Variants in WAS observed in about 807,000 individuals in gnomAD.
WAS encodes the protein WASP actin nucleation promoting factor.
WAS carries 1 observed loss-of-function variant against 38.9 expected under a neutral mutation model. The observed-to-expected ratio is 0.03, with a 90% CI of 0.01 to 0.12. The LOEUF (loss-of-function observed/expected upper bound fraction) is 0.12. WAS is among the 10% of genes least tolerant of loss of function. The pLI, the probability that WAS is intolerant of heterozygous loss-of-function variation, is 1.00. For missense variants in WAS, 311 were observed against 431.2 expected (o/e 0.72, Z 2.47); for synonymous variants, 182 against 173.6 (o/e 1.05, Z -0.38).
At chrX:48,682,652 T>C (rs1243417967), upstream of WAS, among the ~76,000 whole-genome samples, 1 of 111,472 alleles carries the variant, frequency 9.0e-6, no homozygotes, top group Admixed American at 9.5e-5. Context: ...TCTAATACTT[T>C]GGGAGGCCGA....
intron 10 of WAS, 60 bp from the exon 11 acceptor site, chrX:48,689,259 CG>C: frequency 9.7e-7 from 1 of 1,030,777 alleles, no homozygotes; most frequent in Non-Finnish European, 1.3e-6. Context: ...GATGGAGGGG[CG>C]GGGAGAAATG....
At position 48,686,807 on chromosome X, in the gene WAS, G is replaced by A. The variant is rs1557006801; in HGVS notation, c.586G>A (p.Gly196Arg). 3.3e-6 allele frequency: 4 copies of A among 1,211,622 alleles called. No individual in the cohort carries two copies. Among genetic ancestry groups the A allele is most frequent in the Non-Finnish European group, 4.5e-6 (4 of 895,531 alleles). The change falls in exon 7 of 12, where the codon GGG (glycine) becomes AGG (arginine). Residue 196 changes from glycine to arginine, a missense_variant. Gly to Arg is a moderately radical substitution (Grantham distance 125). Transcript: ENST00000376701. The part of the protein sequence containing the change: ...GGPPVGPLSL[G>R]LATVDIQNPD... The stretch of plus-strand genomic sequence containing the variant: ...CCCTCCAGTGGGTCCGCTCTCCCTG[G>A]GGCTGGCGACAGTGGACATCCAGAA...
In WAS at chrX:48,685,717, C is replaced by T. The variant is rs782768055; in HGVS notation, c.361-17C>T. The T allele has an allele frequency of 2.6e-5, 31 of 1,171,881 alleles. No individual in the cohort carries two copies. The highest frequency in any genetic ancestry group is 3.3e-5 in the Non-Finnish European group (29 of 875,434). On this transcript the variant is annotated splice_polypyrimidine_tract_variant and intron_variant, in intron 3 of 11. Transcript: ENST00000376701. ...TGCGGGGGACCTGGGAGGCGGCTGA[C>T]CCCAAGGTATGTGCAGGACTGCCAA...
In WAS at chrX:48,685,999, A is replaced by G; in HGVS notation, c.505+12A>G. On this transcript the variant is annotated intron_variant, in intron 5 of 11. Coordinates refer to ENST00000376701, the MANE Select transcript of WAS (RefSeq NM_000377.3). ...ACCAGCCAATGAAGGTGAGTCCTCT[A>G]GTGCAAGTAGGGGTAATAAGGGGCT... 2.5e-6 allele frequency: 3 copies of G among 1,211,491 alleles called. No individual in the cohort carries two copies. The highest frequency in any genetic ancestry group is 3.4e-6 in the Non-Finnish European group (3 of 895,243).
intron 7 of WAS, among the ~76,000 whole-genome samples, chrX:48,687,318 A>G (rs2062423363): frequency 9.0e-6 from 1 of 111,395 alleles, no homozygotes; most frequent in Non-Finnish European, 1.9e-5. Context: ...ATGGATAGAT[A>G]GATGAGGTAG....
At chrX:48,678,941 T>G (rs935391693), upstream of WAS, among the ~76,000 whole-genome samples, 19 of 111,464 alleles carry the variant, frequency 1.7e-4, no homozygotes, top group Admixed American at 1.8e-3. Flanking sequence ...AAAGTGATAC[T>G]AAAATGATTA....
At chrX:48,690,853 T>C (rs1557007675) in intron 11 of WAS, among the ~76,000 whole-genome samples, 1 of 112,127 alleles carries the variant, frequency 8.9e-6, no homozygotes, top group African/African-American at 3.2e-5. Context: ...TTCACCCTAT[T>C]ATGTGATAAA....
At chrX:48,682,309 C>G (rs1557005875), upstream of WAS, among the ~76,000 whole-genome samples, 1 of 111,984 alleles carries the variant, frequency 8.9e-6, no homozygotes, top group African/African-American at 3.2e-5. Flanking sequence ...AATAAATGAA[C>G]AGCTACCACT....
intron 2 of WAS, 86 bp from the exon 3 acceptor site, chrX:48,685,461 C>T (rs1263618750): frequency 1.4e-6 from 1 of 698,317 alleles, no homozygotes. Flanking sequence ...CAAATCCAGA[C>T]ACCCTGCTCC....
chrX:48,679,503 C>T (rs782523927), upstream of WAS, among the ~76,000 whole-genome samples: 2 of 112,016 alleles, frequency 1.8e-5, no homozygotes, highest in African/African-American at 6.5e-5. Flanking sequence ...GCACAACCAG[C>T]AAGGCTGTTG....
chrX:48,682,843 C>T (rs1288835881), upstream of WAS, among the ~76,000 whole-genome samples: 5 of 105,921 alleles, frequency 4.7e-5, no homozygotes, highest in Non-Finnish European at 9.7e-5. Flanking sequence ...TGCAGTGAGC[C>T]GAGATCGTGC....
At chrX:48,686,224 T>C in intron 6 of WAS, 90 bp downstream of exon 6, 2 of 1,036,097 alleles carry the variant, frequency 1.9e-6, no homozygotes, top group Admixed American at 2.3e-5. Flanking sequence ...AGTGGGTGAA[T>C]GGATAGGTAG....
chrX:48,688,653 T>C lies in WAS; in HGVS notation c.932-7T>C. 1.7e-6 allele frequency: 2 copies of C among 1,207,764 alleles called. No individual in the cohort carries two copies. The highest frequency in any genetic ancestry group is 1.1e-6 in the Non-Finnish European group (1 of 893,049). ...AGTTACAGCTATGTGTTATACCCCC[T>C]CCACAGAGCCACTTCCGCCGCCCCC... On this transcript the variant is annotated splice_polypyrimidine_tract_variant and splice_region_variant and intron_variant, in intron 9 of 11. Coordinates refer to ENST00000376701, the MANE Select transcript of WAS (RefSeq NM_000377.3).
chrX:48,679,869 C>CA (rs2062397553), upstream of WAS, among the ~76,000 whole-genome samples: 1 of 112,429 alleles, frequency 8.9e-6, no homozygotes, highest in East Asian at 2.8e-4. Context: ...TTTCTTAATA[C>CA]ATTTGCTTTC....
At chrX:48,685,419 C>A (rs2062415682) in intron 2 of WAS, 128 bp from the exon 3 acceptor site, 1 of 529,200 alleles carries the variant, frequency 1.9e-6, no homozygotes, top group Admixed American at 2.7e-5. Context: ...TGGTGCTGAG[C>A]TGAAAATCTC....
intron 9 of WAS, 95 bp from the exon 10 acceptor site, chrX:48,688,565 T>A: frequency 1.7e-6 from 2 of 1,191,153 alleles, no homozygotes; most frequent in East Asian, 3.0e-5. Context: ...CAGTCAGGAG[T>A]TGGTCAGTGG....
chrX:48,683,903 C>T lies in WAS; in HGVS notation c.50C>T (p.Ala17Val), dbSNP rs782380914. 24 of 1,209,585 alleles carry T rather than the reference C, an allele frequency of 2.0e-5. No individual in the cohort carries two copies. Among genetic ancestry groups the T allele is most frequent in the Non-Finnish European group, 2.5e-5 (22 of 895,012 alleles). The part of the protein sequence containing the change: ...GGRPGGRGAP[A>V]VQQNIPSTLL... The stretch of plus-strand genomic sequence containing the variant: ...AGGCCCGGGGGCCGAGGAGCACCAG[C>T]GGTTCAGCAGAACATACCCTCCACC... Residue 17 changes from alanine to valine, a missense_variant, in exon 1 of 12, where the codon GCG becomes GTG. This residue lies in a region of WAS where 64 missense variants were observed against 122.5 expected (regional missense o/e 0.52). Coordinates refer to ENST00000376701, the MANE Select transcript of WAS (RefSeq NM_000377.3).
chrX:48,683,881 C>T lies in WAS; in HGVS notation c.28C>T (p.Pro10Ser). ...GAGTGGGGGCCCAATGGGAGGAAGG[C>T]CCGGGGGCCGAGGAGCACCAGCGGT... MSGGPMGGR[P>S]GGRGAPAVQQ... Residue 10 changes from proline (P) to serine (S), a missense_variant, in exon 1 of 12, where the codon CCC becomes TCC. Physicochemically the swap from Pro to Ser is moderately conservative, Grantham distance 74. Transcript: ENST00000376701. The T allele has an allele frequency of 1.7e-6, 2 of 1,211,769 alleles. No homozygotes were observed. Among genetic ancestry groups the T allele is most frequent in the Non-Finnish European group, 2.2e-6 (2 of 895,427 alleles).
rs782274825 is a variant in WAS, at chrX:48,691,320, C to T, written c.*158C>T. The T allele has an allele frequency of 4.2e-5, 21 of 499,657 alleles. No homozygotes were observed. The South Asian group carries it at 6.2e-4, about 15-fold the overall frequency. 41.2% of individuals were successfully genotyped at this position (499,657 alleles called of 1,213,427 possible). ...TGCTGTTATCCCTGCCTGGTCCTCA[C>T]ACTCACCCAACAATCCCAAGGCCCT... is the stretch of plus-strand genomic sequence containing the variant. On this transcript the variant is annotated 3_prime_UTR_variant, in exon 12 of 12. Coordinates refer to ENST00000376701, the MANE Select transcript of WAS (RefSeq NM_000377.3).
Sources: gnomAD v4.1 joint callset for allele counts (sites outside exome capture counted in the v4.1 genomes callset) on GRCh38, gnomAD v4.1.1 for gene constraint, gnomAD v4.1.1 regional missense constraint, MANE v1.5 for transcripts, NCBI Gene and HGNC (gene_info 2026-07-23, HGNC 2026-07-21) for gene names.